Variants in ALKBH8 observed in about 807,000 individuals in gnomAD.
ALKBH8 encodes tRNA (carboxymethyluridine(34)-5-O)-methyltransferase ALKBH8.
In ALKBH8, 36 loss-of-function variants were observed where a neutral mutation model predicts 59.8. The ratio of observed to expected loss-of-function variants is 0.60; its 90% confidence interval spans 0.46 to 0.79. The LOEUF is 0.79. ALKBH8 is among the 30% of genes least tolerant of loss of function. The pLI, the probability that ALKBH8 is intolerant of heterozygous loss-of-function variation, is 0.00. For missense variants in ALKBH8, 768 were observed against 801.0 expected (o/e 0.96, Z 0.50); for synonymous variants, 276 against 273.6 (o/e 1.01, Z -0.09).
chr11:107,522,117 T>C (rs1863137094), intron 10 of ALKBH8, among the ~76,000 whole-genome samples, 182 bp downstream of exon 10: 1 of 152,070 alleles, frequency 6.6e-6, no homozygotes, highest in Non-Finnish European at 1.5e-5. Context: ...AATTATATAA[T>C]GATGGTGTGC....
rs140335911 is a variant in ALKBH8 at position 107,510,892 on chromosome 11, T to C, written c.1432A>G (p.Thr478Ala). 2.6e-3 allele frequency: 4,024 copies of C among 1,551,280 alleles called. 38 individuals carry two copies. The highest frequency in any genetic ancestry group is 2.8e-3 in the Admixed American group (144 of 50,974). Residue 478 changes from threonine (T) to alanine (A), a missense_variant, in exon 11 of 12, where the codon ACA becomes GCA. By Grantham distance (58) the Thr-to-Ala change is moderately conservative (BLOSUM62 0). Transcript: ENST00000428149. ...ISIAVIHHFA[T>A]AERRVAALQE... ...GAAAGAAAGACCATACTTACTGCTG[T>C]TGCAAAATGATGAATAACAGCAATG...
intron 1 of ALKBH8, among the ~76,000 whole-genome samples, chr11:107,561,564 T>C (rs1864939984): frequency 6.6e-6 from 1 of 152,230 alleles, no homozygotes; most frequent in Non-Finnish European, 1.5e-5. Flanking sequence ...TCATATATTT[T>C]ATATCTACAA....
At chr11:107,540,418 G>A (rs542588905) in intron 7 of ALKBH8, among the ~76,000 whole-genome samples, 2 of 152,254 alleles carry the variant, frequency 1.3e-5, no homozygotes, top group Admixed American at 6.5e-5. Context: ...CAAGTGTAAT[G>A]TAAAATAAAA....
intron 1 of ALKBH8, among the ~76,000 whole-genome samples, chr11:107,564,846 C>CAGCACTTAAACAGGATTTAGCACCT (rs1865068343): frequency 6.6e-6 from 1 of 152,138 alleles, no homozygotes. Flanking sequence ...CTGTAGCACC[C>CAGCACTTAAACAGGATTTAGCACCT]AGCACTTAAA....
At chr11:107,560,236 T>C (rs1864883949) in intron 2 of ALKBH8, among the ~76,000 whole-genome samples, 2 of 152,294 alleles carry the variant, frequency 1.3e-5, no homozygotes, top group South Asian at 4.1e-4. Flanking sequence ...TGTCCGCAGA[T>C]AATGAAAAGA....
In ALKBH8 at chr11:107,510,926, G is replaced by A. The variant is rs1243936441; in HGVS notation, c.1398C>T (p.Ala466=). 1 of 1,551,664 alleles carries A rather than the reference G, an allele frequency of 6.4e-7. No individual in the cohort carries two copies. Among genetic ancestry groups the A allele is most frequent in the African/African-American group, 1.4e-5 (1 of 73,150 alleles). ...AVPVRSGSCD[A]CISIAVIHHF... ...GATGAATAACAGCAATGGAGATGCA[G>A]GCATCACAAGACCCACTGCGGACTG... Residue 466 remains alanine (A), a synonymous_variant, in exon 11 of 12, where the codon GCC becomes GCT. Coordinates refer to ENST00000428149, the MANE Select transcript of ALKBH8 (RefSeq NM_138775.3).
intron 1 of ALKBH8, among the ~76,000 whole-genome samples, chr11:107,561,227 T>C (rs1222866904): frequency 6.6e-6 from 1 of 152,022 alleles, no homozygotes; most frequent in African/African-American, 2.4e-5. Context: ...ATTTCACAAC[T>C]ATAACGTAAA....
rs574270690 is a variant in ALKBH8, at chr11:107,522,482, T to C, written c.1104A>G (p.Ser368=). 6.4e-7 allele frequency: 1 copy of C among 1,551,222 alleles called. No individual in the cohort carries two copies. Among genetic ancestry groups the C allele is most frequent in the Admixed American group, 2.0e-5 (1 of 50,980 alleles). ...GATGGACGTACTCTTGCTCCAGCCG[T>C]GAGGCTTCTTTATCACTCTCTGGAA... ...PSFPESDKEA[S]RLEQEYVHQV... Residue 368 remains serine (S), a synonymous_variant, in exon 10 of 12, where the codon TCA becomes TCG. Transcript: ENST00000428149.
intron 10 of ALKBH8, among the ~76,000 whole-genome samples, chr11:107,518,559 G>A (rs1862967750): frequency 6.6e-6 from 1 of 152,258 alleles, no homozygotes; most frequent in Non-Finnish European, 1.5e-5. Context: ...CAAACACCTG[G>A]CCCGCCCAGG....
Position 107,510,945 on chromosome 11 carries a change from CG to C in ALKBH8, c.1378del (p.Arg460AlafsTer34). ...FVCDALAVPVRSGSCDACISI... is the reference protein window; with the variant it reads ...FVCDALAVPVXSGSCDACISI... The stretch of plus-strand genomic sequence containing the variant: ...GATGCAGGCATCACAAGACCCACTG[CG>C]GACTGGTACTGCCAATGCATCACAG... On this transcript the variant is annotated frameshift_variant, in exon 11 of 12. Transcript: ENST00000428149. LOFTEE classifies it high-confidence loss of function. The C allele has an allele frequency of 6.4e-7, 1 of 1,551,762 alleles. No homozygotes were observed. The highest frequency in any genetic ancestry group is 8.7e-7 in the Non-Finnish European group (1 of 1,146,952).
intron 10 of ALKBH8, among the ~76,000 whole-genome samples, chr11:107,520,036 A>C (rs1591263806): frequency 6.6e-6 from 1 of 152,298 alleles, no homozygotes; most frequent in East Asian, 1.9e-4. Flanking sequence ...AAAAAGAGAA[A>C]GCTAGATCCT....
At chr11:107,514,997 A>G (rs1862801639) in intron 10 of ALKBH8, among the ~76,000 whole-genome samples, 1 of 152,178 alleles carries the variant, frequency 6.6e-6, no homozygotes, top group Admixed American at 6.5e-5. Flanking sequence ...TTTCACCAAC[A>G]AGAAAGAGCA....
chr11:107,563,172 G>C (rs1382506834), intron 1 of ALKBH8, among the ~76,000 whole-genome samples: 1 of 152,208 alleles, frequency 6.6e-6, no homozygotes, highest in Admixed American at 6.5e-5. Context: ...AGGTTTAGGA[G>C]TCAGTCGTCA....
At chr11:107,558,878 T>G (rs989108303) in intron 2 of ALKBH8, among the ~76,000 whole-genome samples, 1 of 152,174 alleles carries the variant, frequency 6.6e-6, no homozygotes, top group Non-Finnish European at 1.5e-5. Flanking sequence ...GAAAAATCTG[T>G]AATGCCATAA....
chr11:107,540,083 A>G (rs1236460359), intron 7 of ALKBH8, among the ~76,000 whole-genome samples: 3 of 152,206 alleles, frequency 2.0e-5, no homozygotes, highest in Non-Finnish European at 4.4e-5. Flanking sequence ...TACTGAGAGA[A>G]AATGAGAGGC....
At chr11:107,519,325 G>A (rs1412025581) in intron 10 of ALKBH8, among the ~76,000 whole-genome samples, 3 of 151,556 alleles carry the variant, frequency 2.0e-5, no homozygotes, top group South Asian at 2.1e-4. Context: ...GGCTGGTCTC[G>A]AACTCTCAAC....
intron 10 of ALKBH8, among the ~76,000 whole-genome samples, chr11:107,511,500 T>C (rs978522091): frequency 2.0e-5 from 3 of 152,022 alleles, no homozygotes; most frequent in Non-Finnish European, 4.4e-5. Context: ...GGATAGGCAA[T>C]TTTTTTTCTG....
At chr11:107,532,204 C>T in intron 8 of ALKBH8, 96 bp downstream of exon 8, 1 of 967,870 alleles carries the variant, frequency 1.0e-6, no homozygotes, top group South Asian at 1.8e-5. Context: ...CCAGAAGCCT[C>T]AATCTGCAGG....
In ALKBH8 at chr11:107,551,747, AT is replaced by A. The variant is rs1337657720; in HGVS notation, c.700+60del. Reference sequence around the variant, plus strand: ...ATAATAATATATCTGCCCTTAGAGAATTATATCATCTACTCAGTTCCAAAAT... The same window carrying A: ...ATAATAATATATCTGCCCTTAGAGAATATATCATCTACTCAGTTCCAAAAT... On this transcript the variant is annotated intron_variant, in intron 6 of 11. Transcript: ENST00000428149. 9 of 761,404 alleles carry A rather than the reference AT, an allele frequency of 1.2e-5. No homozygotes were observed. The African/African-American group carries it at 1.5e-4, about 13-fold the overall frequency. 47.2% of individuals were successfully genotyped at this position (761,404 alleles called of 1,614,324 possible). A position where few individuals can be genotyped will look rare whatever the true frequency, so the allele number is the denominator to read the frequency against.
Sources: gnomAD v4.1 joint callset for allele counts (sites outside exome capture counted in the v4.1 genomes callset) on GRCh38, gnomAD v4.1.1 for gene constraint, MANE v1.5 for transcripts, NCBI Gene and HGNC (gene_info 2026-07-23, HGNC 2026-07-21) for gene names.